Variants in NBPF9 observed in about 807,000 individuals in gnomAD.
NBPF9 encodes the protein NBPF family member NBPF9.
In NBPF9, 91 loss-of-function variants were observed where a neutral mutation model predicts 97.8. The ratio of observed to expected loss-of-function variants is 0.93; its 90% CI spans 0.79 to 1.11. The LOEUF is 1.11. NBPF9 is among the 50% of genes least tolerant of loss of function. The pLI is 0.00. For missense variants in NBPF9, 992 were observed against 939.5 expected (o/e 1.06, Z -0.73); for synonymous variants, 334 against 359.5 (o/e 0.93, Z 0.80).
chr1:149,055,892 C>G (rs200319336), exon 30 of NBPF9: 2 of 1,611,240 alleles, frequency 1.2e-6, no homozygotes, highest in East Asian at 2.2e-5. Context: ...ATCAGCACGC[C>G]GTTGAGCCTG....
At chr1:149,079,740 C>T (rs1287526375) in intron 8 of NBPF9, among the ~76,000 whole-genome samples, 13 of 151,616 alleles carry the variant, frequency 8.6e-5, no homozygotes, top group South Asian at 4.2e-4. Flanking sequence ...AGTGGGGTGG[C>T]AATAGCACAC....
In NBPF9 at chr1:149,098,634, G is replaced by A. The variant is rs1466594120; in HGVS notation, c.-533C>T. 7 of 1,124,922 alleles carry A rather than the reference G, an allele frequency of 6.2e-6. No individual in the cohort carries two copies. The East Asian group carries it at 2.8e-4, about 44-fold the overall frequency. The allele number at this position is 1,124,922 out of a possible 1,614,324, so 69.7% of individuals were successfully genotyped here. A position where few individuals can be genotyped will look rare whatever the true frequency, so the allele number is the denominator to read the frequency against. Reference sequence around the variant, plus strand: ...CAGGACACCCTCAGGAGGACGGTAAGGGACGGTAAGGTGAGAGCCTGGGTC... The same window carrying A: ...CAGGACACCCTCAGGAGGACGGTAAAGGACGGTAAGGTGAGAGCCTGGGTC... On this transcript the variant is annotated 5_prime_UTR_variant, in exon 4 of 30. Coordinates refer to ENST00000584027, the Ensembl canonical transcript of NBPF9.
intron 4 of NBPF9, among the ~76,000 whole-genome samples, chr1:149,092,961 C>A (rs1326565990): frequency 6.6e-6 from 1 of 151,942 alleles, no homozygotes; most frequent in Non-Finnish European, 1.5e-5. Flanking sequence ...GACACAGAGA[C>A]AAAGTACAGA....
chr1:149,058,755 T>C (rs2078404261), intron 26 of NBPF9, 170 bp downstream of exon 26: 1 of 596,706 alleles, frequency 1.7e-6, no homozygotes, highest in Admixed American at 2.7e-5. Context: ...ACCCATTTCA[T>C]GTCTAGGCTT....
chr1:149,073,106 C>A (rs587608974), intron 13 of NBPF9, among the ~76,000 whole-genome samples, 174 bp from the exon 14 acceptor site: 1 of 149,292 alleles, frequency 6.7e-6, no homozygotes, highest in Non-Finnish European at 1.5e-5. Flanking sequence ...GGTTTACAGG[C>A]TTCCTCTGTA....
chr1:149,077,833 C>A, intron 10 of NBPF9, 50 bp downstream of exon 10: 1 of 1,596,724 alleles, frequency 6.3e-7, no homozygotes, highest in Non-Finnish European at 8.6e-7. Flanking sequence ...GCCTCCTAGA[C>A]ATCTTCATAT....
At chr1:149,081,911 G>A in intron 7 of NBPF9, 54 bp downstream of exon 7, 2 of 1,246,328 alleles carry the variant, frequency 1.6e-6, no homozygotes, top group Non-Finnish European at 2.3e-6. Flanking sequence ...GTGTCTCAGA[G>A]AGAAGACAGG....
At chr1:149,102,879 G>A (rs1186535115) in intron 1 of NBPF9, 32 bp from the exon 2 acceptor site, 2 of 151,476 alleles carry the variant, frequency 1.3e-5, no homozygotes, top group African/African-American at 4.9e-5. Flanking sequence ...GAATCCCGGA[G>A]GCCAATAAAG....
chr1:149,058,421 G>A (rs2078376959), intron 26 of NBPF9, among the ~76,000 whole-genome samples: 1 of 59,146 alleles, frequency 1.7e-5, no homozygotes, highest in Admixed American at 1.8e-4. Context: ...TCCCCATTCT[G>A]GTAGATCGTT....
chr1:149,082,415 C>A, exon 6 of NBPF9: 2 of 990,716 alleles, frequency 2.0e-6, no homozygotes, highest in Non-Finnish European at 2.9e-6. Context: ...TTGTGGCCAG[C>A]GTGCCAGGTA....
chr1:149,067,346 A>G (rs2079095475), intron 17 of NBPF9, among the ~76,000 whole-genome samples: 2 of 126,338 alleles, frequency 1.6e-5, no homozygotes, highest in Admixed American at 7.8e-5. Flanking sequence ...GTCTTAGGGT[A>G]CATGTGCACA....
intron 4 of NBPF9, among the ~76,000 whole-genome samples, chr1:149,097,519 A>G (rs1285010881): frequency 7.4e-4 from 112 of 152,294 alleles, no homozygotes; most frequent in Admixed American, 3.2e-3. Flanking sequence ...GAAGCTGCCC[A>G]GCTGCAGGTG....
At chr1:149,087,780 T>G (rs2081129218) in intron 5 of NBPF9, among the ~76,000 whole-genome samples, 1 of 151,350 alleles carries the variant, frequency 6.6e-6, no homozygotes, top group Non-Finnish European at 1.5e-5. Context: ...CAAAGCAATT[T>G]TTTGTAGTTT....
At chr1:149,068,212 C>G (rs587732066) in intron 17 of NBPF9, among the ~76,000 whole-genome samples, 2 of 148,988 alleles carry the variant, frequency 1.3e-5, no homozygotes, top group South Asian at 2.1e-4. Flanking sequence ...GAAGAAACTG[C>G]ATCAACTAAC....
exon 30 of NBPF9, chr1:149,055,447 T>G: frequency 1.2e-6 from 1 of 812,708 alleles, no homozygotes; most frequent in Non-Finnish European, 1.9e-6. Flanking sequence ...GCTGCACAGT[T>G]ATGTGAACGT....
intron 12 of NBPF9, among the ~76,000 whole-genome samples, chr1:149,075,442 G>C (rs370192045): frequency 2.0e-5 from 3 of 152,308 alleles, no homozygotes; most frequent in East Asian, 3.9e-4. Context: ...TTTAACTCTA[G>C]TCCCACCCCC....
chr1:149,073,984 G>C (rs1220675093), intron 12 of NBPF9, 114 bp from the exon 13 acceptor site: 5 of 605,518 alleles, frequency 8.3e-6, no homozygotes, highest in Middle Eastern at 4.5e-4. Context: ...CCCAGTACCA[G>C]GGTCTAGACA....
chr1:149,085,820 C>G (rs2080945466), intron 5 of NBPF9, among the ~76,000 whole-genome samples: 1 of 151,826 alleles, frequency 6.6e-6, no homozygotes, highest in South Asian at 2.1e-4. Flanking sequence ...TAATTCAATG[C>G]ACGTTTACAA....
intron 20 of NBPF9, among the ~76,000 whole-genome samples, chr1:149,063,219 G>T (rs2078756184): frequency 7.6e-6 from 1 of 131,304 alleles, no homozygotes. Context: ...CCAAATGGTT[G>T]CTAGGAGAAA....
Sources: allele counts gnomAD v4.1 joint callset (sites outside exome capture counted in the v4.1 genomes callset), GRCh38; gene constraint gnomAD v4.1.1; transcripts MANE v1.5; gene names NCBI Gene and HGNC (gene_info 2026-07-23, HGNC 2026-07-21).